MBNL2: variants seen among roughly 807,000 people sequenced by gnomAD.
The protein encoded by MBNL2 is muscleblind like splicing regulator 2.
In MBNL2, 17 loss-of-function variants were observed where a neutral mutation model predicts 41.9. The ratio of observed to expected loss-of-function variants is 0.41; its 90% CI spans 0.28 to 0.61. MBNL2 has a LOEUF of 0.61. Among genes scored for constraint, MBNL2 ranks in the 20% least tolerant of loss-of-function variants. The probability of loss-of-function intolerance (pLI) is 0.35; values close to 1 mark genes in which losing one functional copy is unlikely to be tolerated. For synonymous variants in MBNL2, 195 were observed against 182.9 expected, an observed-to-expected ratio of 1.07 and a Z score of -0.53; for missense variants, 336 against 505.6, an observed-to-expected ratio of 0.66 and a Z score of 3.22.
intron 5 of MBNL2, among the ~76,000 whole-genome samples, chr13:97,355,600 G>A (rs1467711411): frequency 6.6e-6 from 1 of 151,760 alleles, no homozygotes; most frequent in Non-Finnish European, 1.5e-5. Context: ...TTCCATCATA[G>A]AATTTTTAGT....
At chr13:97,329,762 AG>A (rs2060263815) in intron 2 of MBNL2, among the ~76,000 whole-genome samples, 4 of 9,518 alleles carry the variant, frequency 4.2e-4, no homozygotes, top group African/African-American at 1.2e-3. Flanking sequence ...CTACACACAC[AG>A]CACACACACA....
intron 8 of MBNL2, among the ~76,000 whole-genome samples, chr13:97,373,096 A>C (rs933887927): frequency 2.6e-5 from 4 of 152,170 alleles, no homozygotes; most frequent in African/African-American, 9.7e-5. Flanking sequence ...ATGGCTGATC[A>C]AACTGTGAAA....
chr13:97,150,678 C>T, the MBNL2 span, among the ~76,000 whole-genome samples: 8 of 152,236 alleles, frequency 5.3e-5, no homozygotes, highest in Admixed American at 2.6e-4. Flanking sequence ...GACAAAGCTA[C>T]GAGTTATTGT....
intron 8 of MBNL2, among the ~76,000 whole-genome samples, chr13:97,374,179 G>T (rs1431293586): frequency 2.0e-5 from 3 of 148,874 alleles, no homozygotes; most frequent in Admixed American, 6.8e-5. Context: ...ACGGAGTCTC[G>T]CTCTGTCGCC....
intron 1 of MBNL2, among the ~76,000 whole-genome samples, chr13:97,234,505 G>C (rs1316325216): frequency 1.3e-5 from 2 of 152,078 alleles, no homozygotes; most frequent in Non-Finnish European, 2.9e-5. Context: ...GCGGGGGCGG[G>C]GGGTAGTGAA....
At chr13:97,234,933 C>T (rs746025235) in intron 1 of MBNL2, among the ~76,000 whole-genome samples, 16 of 152,192 alleles carry the variant, frequency 1.1e-4, no homozygotes, top group Non-Finnish European at 1.9e-4. Context: ...ACTGGAGGAA[C>T]TAATTAATCC....
chr13:97,186,979 G>T, the MBNL2 span, among the ~76,000 whole-genome samples: 1 of 152,110 alleles, frequency 6.6e-6, no homozygotes, highest in African/African-American at 2.4e-5. Flanking sequence ...GTTTTGTAGG[G>T]ACCCACTGGC....
rs8001309 is a variant in MBNL2, at chr13:97,372,653, G to A, written c.1048+7482G>A. On this transcript the variant is annotated intron_variant, in intron 8 of 8. Coordinates refer to ENST00000679496, the MANE Select transcript of MBNL2 (RefSeq NM_001382683.1). Reference sequence around the variant, plus strand: ...CATCAATTTCAATGATATCTTATCAGAAAGATAACATGTAACCAGACATAT... The same window carrying A: ...CATCAATTTCAATGATATCTTATCAAAAAGATAACATGTAACCAGACATAT... 1.4e-3 allele frequency among the ~76,000 whole-genome samples: 214 copies of A among 152,222 alleles called. 2 individuals carry two copies. The highest frequency in any genetic ancestry group is 5.0e-3 in the African/African-American group (206 of 41,542).
chr13:97,146,959 G>T, the MBNL2 span, among the ~76,000 whole-genome samples: 1 of 152,234 alleles, frequency 6.6e-6, no homozygotes, highest in Admixed American at 6.5e-5. Flanking sequence ...ATGGACCACA[G>T]CAGACCTCTT....
At chr13:97,220,495 A>G (rs2040761095), upstream of MBNL2, among the ~76,000 whole-genome samples, 1 of 152,260 alleles carries the variant, frequency 6.6e-6, no homozygotes, top group Non-Finnish European at 1.5e-5. Context: ...TTGGGAAAAC[A>G]GTGGAGAAAA....
At chr13:97,231,248 A>ACAG (rs1309596947) in intron 1 of MBNL2, among the ~76,000 whole-genome samples, 2 of 152,206 alleles carry the variant, frequency 1.3e-5, no homozygotes, top group Non-Finnish European at 2.9e-5. Context: ...AAGTAACCAG[A>ACAG]CAGCACTTCT....
intron 1 of MBNL2, among the ~76,000 whole-genome samples, chr13:97,253,822 A>G (rs2047038998): frequency 6.6e-6 from 1 of 151,986 alleles, no homozygotes; most frequent in Admixed American, 6.6e-5. Context: ...ACAATGTTAT[A>G]TTGTGTAATG....
At chr13:97,320,842 G>A (rs2059438592) in intron 2 of MBNL2, among the ~76,000 whole-genome samples, 1 of 152,018 alleles carries the variant, frequency 6.6e-6, no homozygotes, top group Non-Finnish European at 1.5e-5. Flanking sequence ...TTGAACCCGG[G>A]AGGCGGAGGT....
intron 8 of MBNL2, among the ~76,000 whole-genome samples, chr13:97,378,688 G>A (rs1348375337): frequency 6.6e-6 from 1 of 151,832 alleles, no homozygotes; most frequent in Non-Finnish European, 1.5e-5. Flanking sequence ...TCCAACATAC[G>A]GGGTGCCATA....
chr13:97,328,173 C>T (rs868583648), intron 2 of MBNL2, among the ~76,000 whole-genome samples: 1 of 131,802 alleles, frequency 7.6e-6, no homozygotes, highest in African/African-American at 2.9e-5. Context: ...TTCCTTAACC[C>T]TTTTTTTTTT....
At chr13:97,272,776 T>C (rs924799136) in intron 1 of MBNL2, among the ~76,000 whole-genome samples, 2 of 152,224 alleles carry the variant, frequency 1.3e-5, no homozygotes, top group African/African-American at 4.8e-5. Flanking sequence ...CTACAATGCA[T>C]ACGTATTTCA....
intron 1 of MBNL2, among the ~76,000 whole-genome samples, chr13:97,227,949 C>G (rs555095155): frequency 6.6e-6 from 1 of 152,146 alleles, no homozygotes; most frequent in African/African-American, 2.4e-5. Flanking sequence ...AAAATCCATG[C>G]GTAATTATGA....
At chr13:97,319,925 AGGGATTTGGG>A (rs1229770024) in intron 2 of MBNL2, among the ~76,000 whole-genome samples, 1 of 152,138 alleles carries the variant, frequency 6.6e-6, no homozygotes, top group Admixed American at 6.5e-5. Flanking sequence ...CGTACTTGTT[AGGGATTTGGG>A]GGTTGTTATA....
the MBNL2 span, among the ~76,000 whole-genome samples, chr13:97,209,109 T>A: frequency 6.6e-6 from 1 of 152,302 alleles, no homozygotes; most frequent in Admixed American, 6.5e-5. Flanking sequence ...AAGACATGAT[T>A]TGGGTAATTA....
Sources: allele counts gnomAD v4.1 joint callset (sites outside exome capture counted in the v4.1 genomes callset), GRCh38; gene constraint gnomAD v4.1.1; transcripts MANE v1.5; gene names NCBI Gene and HGNC (gene_info 2026-07-23, HGNC 2026-07-21).